Variants in SF3B6 observed in about 807,000 individuals in gnomAD.
SF3B6 encodes SF3b 14 kDa subunit.
A neutral mutation model predicts 15.9 loss-of-function variants in SF3B6; 3 were observed. That is an observed-to-expected ratio of 0.19 (90% CI 0.09 to 0.49). The LOEUF (loss-of-function observed/expected upper bound fraction) is 0.49. Ranked by LOEUF, SF3B6 falls within the 20% of genes least tolerant of loss-of-function variation. The pLI is 0.97. For missense variants in SF3B6, 71 were observed against 154.3 expected (o/e 0.46, Z 2.86); for synonymous variants, 49 against 51.1 (o/e 0.96, Z 0.18).
intron 2 of SF3B6, among the ~76,000 whole-genome samples, chr2:24,073,330 G>A (rs1057455698): frequency 1.3e-5 from 2 of 152,130 alleles, no homozygotes; most frequent in Non-Finnish European, 2.9e-5. Context: ...ATATGAGTTC[G>A]GGTGTCAGAG....
chr2:24,069,238 A>G (rs1445482987), intron 2 of SF3B6, among the ~76,000 whole-genome samples: 1 of 152,190 alleles, frequency 6.6e-6, no homozygotes, highest in Non-Finnish European at 1.5e-5. Context: ...ATGGGAGTGG[A>G]AGTGTGCTTG....
At position 24,076,283 on chromosome 2, in the gene SF3B6, G is replaced by A; in HGVS notation, c.-54C>T. On this transcript the variant is annotated 5_prime_UTR_variant, in exon 1 of 4. Coordinates refer to ENST00000233468, the MANE Select transcript of SF3B6 (RefSeq NM_016047.4). ...AGATACTGAAATTCCTCCGGAGCTC[G>A]CTCGGCTTCGGGGGTTACACCGCGT... The A allele has an allele frequency of 6.2e-7, 1 of 1,607,688 alleles. No individual in the cohort carries two copies. The highest frequency in any genetic ancestry group is 1.3e-5 in the African/African-American group (1 of 74,934).
At chr2:24,075,037 G>C (rs1664711077) in intron 1 of SF3B6, among the ~76,000 whole-genome samples, 1 of 152,160 alleles carries the variant, frequency 6.6e-6, no homozygotes, top group African/African-American at 2.4e-5. Flanking sequence ...GCTGAGGCAG[G>C]AGAATTGCTT....
At chr2:24,070,754 CA>C (rs1664640468) in intron 2 of SF3B6, among the ~76,000 whole-genome samples, 1 of 152,138 alleles carries the variant, frequency 6.6e-6, no homozygotes, top group Non-Finnish European at 1.5e-5. Context: ...TGCCAGGTGC[CA>C]GGTATACAAT....
At position 24,067,860 on chromosome 2, in the gene SF3B6, G is replaced by A. The variant is rs1458132912; in HGVS notation, c.289-9C>T. ...TCCATCTTCTGAAATGCCTGGAAAT[G>A]TGGTAAGCACCAAAATTAAATTACC... On this transcript the variant is annotated splice_polypyrimidine_tract_variant and intron_variant, in intron 3 of 3. Coordinates refer to ENST00000233468, the MANE Select transcript of SF3B6 (RefSeq NM_016047.4). The A allele has an allele frequency of 1.2e-6, 2 of 1,611,872 alleles. No homozygotes were observed. The highest frequency in any genetic ancestry group is 8.5e-7 in the Non-Finnish European group (1 of 1,178,772).
intron 2 of SF3B6, among the ~76,000 whole-genome samples, chr2:24,073,401 CTG>C (rs1411753836): frequency 6.6e-6 from 1 of 152,130 alleles, no homozygotes; most frequent in Admixed American, 6.5e-5. Context: ...CCACTAAGCA[CTG>C]TAAGATAGAA....
intron 1 of SF3B6, among the ~76,000 whole-genome samples, 177 bp from the exon 2 acceptor site, chr2:24,074,371 AAC>A (rs1280880989): frequency 6.6e-6 from 1 of 152,180 alleles, no homozygotes; most frequent in Non-Finnish European, 1.5e-5. Context: ...TTGAAAAAGC[AAC>A]AGAGGCTGGG....
intron 1 of SF3B6, among the ~76,000 whole-genome samples, chr2:24,074,495 CA>C (rs1664701848): frequency 6.6e-6 from 1 of 151,708 alleles, no homozygotes; most frequent in Non-Finnish European, 1.5e-5. Flanking sequence ...CCCATCTCTA[CA>C]AAAATTTTAA....
chr2:24,075,353 C>G (rs986148170), intron 1 of SF3B6, among the ~76,000 whole-genome samples: 10 of 90,798 alleles, frequency 1.1e-4, no homozygotes, highest in Admixed American at 3.7e-4. Flanking sequence ...TTCTTTCTTT[C>G]TTTCTGTTTT....
chr2:24,069,773 G>A (rs950766614), intron 2 of SF3B6, among the ~76,000 whole-genome samples: 20 of 152,142 alleles, frequency 1.3e-4, no homozygotes, highest in African/African-American at 3.9e-4. Context: ...CAATGAATGC[G>A]CTCACTTTGT....
Position 24,068,399 on chromosome 2 carries a change from G to A in SF3B6, c.210C>T (p.Ala70=). Residue 70 remains alanine (A), a synonymous_variant, in exon 3 of 4, where the codon GCC becomes GCT. Transcript: ENST00000233468. ...CCGATAGGTGATCACATGCATTCTT[G>A]GCATCAAAGATGTCCTCATAGACCA... ...AYVVYEDIFD[A]KNACDHLSGF... is the part of the protein sequence containing the mutation. 6.2e-7 allele frequency: 1 copy of A among 1,614,036 alleles called. No individual in the cohort carries two copies. Among genetic ancestry groups the A allele is most frequent in the South Asian group, 1.1e-5 (1 of 91,056 alleles).
At chr2:24,074,904 G>A (rs1664707789) in intron 1 of SF3B6, among the ~76,000 whole-genome samples, 1 of 152,142 alleles carries the variant, frequency 6.6e-6, no homozygotes, top group South Asian at 2.1e-4. Context: ...CAAGGCAGGT[G>A]GATCACTTGA....
intron 2 of SF3B6, among the ~76,000 whole-genome samples, chr2:24,070,433 A>C (rs1335797115): frequency 6.6e-6 from 1 of 152,202 alleles, no homozygotes; most frequent in East Asian, 1.9e-4. Flanking sequence ...GACTGGCATT[A>C]AAATCTTAGA....
intron 1 of SF3B6, among the ~76,000 whole-genome samples, chr2:24,075,354 TTTCTG>T (rs1336590115): frequency 7.8e-5 from 8 of 102,238 alleles, no homozygotes; most frequent in Admixed American, 3.4e-4. Flanking sequence ...TCTTTCTTTC[TTTCTG>T]TTTTTTTTTT....
At chr2:24,070,715 G>A (rs1422887405) in intron 2 of SF3B6, among the ~76,000 whole-genome samples, 1 of 152,146 alleles carries the variant, frequency 6.6e-6, no homozygotes, top group Non-Finnish European at 1.5e-5. Flanking sequence ...TCTCAGTACT[G>A]GGCAAACTGG....
chr2:24,069,386 C>G (rs762521808), intron 2 of SF3B6, among the ~76,000 whole-genome samples: 1 of 152,170 alleles, frequency 6.6e-6, no homozygotes, highest in Non-Finnish European at 1.5e-5. Context: ...CCAACTTCCT[C>G]TGGGAGAGGT....
chr2:24,070,204 T>G (rs185575065), intron 2 of SF3B6, among the ~76,000 whole-genome samples: 1 of 152,368 alleles, frequency 6.6e-6, no homozygotes, highest in Non-Finnish European at 1.5e-5. Flanking sequence ...TAAAAGCATG[T>G]ATCTGTACCT....
At chr2:24,071,727 G>A (rs1664653934) in intron 2 of SF3B6, among the ~76,000 whole-genome samples, 1 of 152,206 alleles carries the variant, frequency 6.6e-6, no homozygotes, top group East Asian at 1.9e-4. Context: ...GCTGAGACCT[G>A]AAGAATGAGG....
chr2:24,071,913 T>G (rs1558354139), intron 2 of SF3B6, among the ~76,000 whole-genome samples: 1 of 152,252 alleles, frequency 6.6e-6, no homozygotes. Flanking sequence ...CATCCCTTAA[T>G]TGAGTACTAT....
Sources: allele counts gnomAD v4.1 joint callset (sites outside exome capture counted in the v4.1 genomes callset), GRCh38; gene constraint gnomAD v4.1.1; transcripts MANE v1.5; gene names NCBI Gene and HGNC (gene_info 2026-07-23, HGNC 2026-07-21).